Variants in RBM20 observed in about 807,000 individuals in gnomAD.
RBM20 encodes the protein RNA-binding protein 20.
Under a neutral mutation model 110.1 loss-of-function variants are expected in RBM20, and 51 were observed. The observed-to-expected ratio is 0.46, with a 90% CI of 0.37 to 0.59. RBM20 has a LOEUF of 0.59. Among genes scored for constraint, RBM20 ranks in the 20% least tolerant of loss-of-function variants. The pLI is 0.00. For missense variants in RBM20, 1,512 were observed against 1,574.9 expected (o/e 0.96, Z 0.68); for synonymous variants, 589 against 618.2 (o/e 0.95, Z 0.70).
intron 13 of RBM20, among the ~76,000 whole-genome samples, chr10:110,834,872 A>C (rs939209069): frequency 1.6e-4 from 24 of 152,302 alleles, no homozygotes; most frequent in African/African-American, 5.8e-4. Context: ...TTGACTCCAG[A>C]TAGCCCAAGA....
At chr10:110,708,605 A>G (rs1368701699) in intron 1 of RBM20, among the ~76,000 whole-genome samples, 2 of 152,208 alleles carry the variant, frequency 1.3e-5, no homozygotes, top group Non-Finnish European at 2.9e-5. Context: ...AATTATTAAT[A>G]AAGTATTAAT....
In RBM20 at chr10:110,793,750, G is replaced by A. The variant is rs141103923; in HGVS notation, c.1528-3758G>A. On this transcript the variant is annotated intron_variant, in intron 5 of 13. Coordinates refer to ENST00000369519, the MANE Select transcript of RBM20 (RefSeq NM_001134363.3). ...CACTACTTCAGGCTTTCACCTAGGT[G>A]ATGTGCTAAGTTAAAATGCAGTTCC... Among the ~76,000 whole-genome samples, 462 of 152,346 alleles carry A rather than the reference G, an allele frequency of 3.0e-3. 3 individuals carry two copies. The highest frequency in any genetic ancestry group is 0.011 in the African/African-American group (437 of 41,572).
intron 1 of RBM20, among the ~76,000 whole-genome samples, chr10:110,773,680 T>C (rs979439179): frequency 4.6e-5 from 7 of 152,204 alleles, no homozygotes; most frequent in Non-Finnish European, 8.8e-5. Context: ...TTTCCTGTGA[T>C]GACACTAGCA....
chr10:110,790,038 G>A lies in RBM20; in HGVS notation c.1527+5149G>A, dbSNP rs571633984. Among the ~76,000 whole-genome samples the A allele has an allele frequency of 3.6e-4, 55 of 152,298 alleles. 1 individual carries two copies. In the South Asian group the frequency reaches 0.011, roughly 29 times the overall value. On this transcript the variant is annotated intron_variant, in intron 5 of 13. Transcript: ENST00000369519. ...TCACAGATGGGCCACCCTGACCTGG[G>A]ATGATACACATCGTTTTTATTATTT... is the stretch of plus-strand genomic sequence containing the variant.
At chr10:110,793,570 A>G (rs1429242484) in intron 5 of RBM20, among the ~76,000 whole-genome samples, 1 of 152,242 alleles carries the variant, frequency 6.6e-6, no homozygotes, top group Non-Finnish European at 1.5e-5. Flanking sequence ...GGCAGCATTT[A>G]TGGGCAGAAA....
intron 1 of RBM20, 146 bp from the exon 2 acceptor site, chr10:110,780,655 A>G (rs1399182800): frequency 6.1e-6 from 5 of 824,032 alleles, no homozygotes; most frequent in Non-Finnish European, 8.9e-6. Context: ...ATGTGTGAGC[A>G]CAGGTTTTTG....
intron 1 of RBM20, among the ~76,000 whole-genome samples, chr10:110,734,813 A>C (rs1843654061): frequency 6.6e-6 from 1 of 152,168 alleles, no homozygotes; most frequent in African/African-American, 2.4e-5. Context: ...CTGAATCTGC[A>C]ACTTTACTTT....
At chr10:110,662,574 G>T (rs968629941) in intron 1 of RBM20, among the ~76,000 whole-genome samples, 1 of 152,230 alleles carries the variant, frequency 6.6e-6, no homozygotes, top group Non-Finnish European at 1.5e-5. Context: ...TAGGGAACAT[G>T]AAATGATACA....
chr10:110,834,822 C>T (rs1406130843), intron 13 of RBM20, among the ~76,000 whole-genome samples: 1 of 152,238 alleles, frequency 6.6e-6, no homozygotes, highest in African/African-American at 2.4e-5. Flanking sequence ...CAGAGAACCC[C>T]AGCTGGGGCC....
At position 110,781,648 on chromosome 10, in the gene RBM20, T is replaced by A; in HGVS notation, c.1039T>A (p.Tyr347Asn). 6.5e-7 allele frequency: 1 copy of A among 1,549,320 alleles called. No homozygotes were observed. Among genetic ancestry groups the A allele is most frequent in the Non-Finnish European group, 8.7e-7 (1 of 1,145,376 alleles). ...PMWPPPHNQP[Y>N]ELYDPEEPTS... ...GTGGCCTCCACCCCACAACCAGCCC[T>A]ATGAGCTGTACGACCCCGAGGAACC... is the stretch of plus-strand genomic sequence containing the variant. The change falls in exon 2 of 14, where the codon TAT becomes AAT. Residue 347 changes from tyrosine to asparagine, a missense_variant. By Grantham distance (143) the Tyr-to-Asn change is moderately radical. Transcript: ENST00000369519.
Position 110,661,167 on chromosome 10 carries a change from C to T in RBM20, c.191+16522C>T, listed in dbSNP as rs536868809. On this transcript the variant is annotated intron_variant, in intron 1 of 13. Coordinates refer to ENST00000369519, the MANE Select transcript of RBM20 (RefSeq NM_001134363.3). ...TGATTGTTATGTGGTGGCATTTGTT[C>T]CCTCTCTGAGCCCACCTAGGATATG... Among the ~76,000 whole-genome samples, 12 of 152,248 alleles carry T rather than the reference C, an allele frequency of 7.9e-5. No homozygotes were observed. In the South Asian group the frequency reaches 2.5e-3, roughly 32 times the overall value.
chr10:110,758,557 G>A (rs1243159138), intron 1 of RBM20, among the ~76,000 whole-genome samples: 1 of 152,068 alleles, frequency 6.6e-6, no homozygotes, highest in Non-Finnish European at 1.5e-5. Context: ...TCTTTGAGAA[G>A]ATGACAGTAG....
chr10:110,648,943 T>A (rs1358245345), intron 1 of RBM20, among the ~76,000 whole-genome samples: 1 of 152,210 alleles, frequency 6.6e-6, no homozygotes, highest in East Asian at 1.9e-4. Context: ...ACTATGCATA[T>A]GGTGCACACA....
chr10:110,823,452 TTTTTTTGC>T lies in RBM20; in HGVS notation c.3317-27_3317-20del. On this transcript the variant is annotated intron_variant, in intron 11 of 13. Coordinates refer to ENST00000369519, the MANE Select transcript of RBM20 (RefSeq NM_001134363.3). ...ATTTCTTTTTTTTTTTTTTTTTTTT[TTTTTTTGC>T]CTTGGTTCATGTTTTGCAGAAAACT... is the stretch of plus-strand genomic sequence containing the variant. 92 of 898,718 alleles carry T rather than the reference TTTTTTTGC, an allele frequency of 1.0e-4. No homozygotes were observed. The highest frequency in any genetic ancestry group is 8.1e-4 in the South Asian group (29 of 36,006). The allele number at this position is 898,718 out of a possible 1,614,324, so 55.7% of individuals were successfully genotyped here.
intron 1 of RBM20, among the ~76,000 whole-genome samples, chr10:110,705,448 T>C (rs1175305548): frequency 6.6e-6 from 1 of 152,266 alleles, no homozygotes; most frequent in African/African-American, 2.4e-5. Flanking sequence ...ATACCAAATC[T>C]GTTTTAACCA....
intron 8 of RBM20, 112 bp downstream of exon 8, chr10:110,810,574 C>A (rs995536850): frequency 7.4e-6 from 5 of 675,738 alleles, no homozygotes; most frequent in Middle Eastern, 8.0e-4. Context: ...TTGCCCCTAC[C>A]CCATCCATCT....
intron 13 of RBM20, among the ~76,000 whole-genome samples, chr10:110,834,535 A>T (rs1056947670): frequency 1.3e-5 from 2 of 152,202 alleles, no homozygotes; most frequent in Admixed American, 6.5e-5. Flanking sequence ...TGGTGCTGCT[A>T]ATAAGAAAAG....
At chr10:110,726,173 C>T (rs1205792589) in intron 1 of RBM20, among the ~76,000 whole-genome samples, 1 of 152,194 alleles carries the variant, frequency 6.6e-6, no homozygotes, top group Non-Finnish European at 1.5e-5. Context: ...CCTCCTGCTC[C>T]TGATGACTGG....
At chr10:110,743,402 G>A (rs985341663) in intron 1 of RBM20, among the ~76,000 whole-genome samples, 6 of 152,122 alleles carry the variant, frequency 3.9e-5, no homozygotes, top group African/African-American at 9.7e-5. Flanking sequence ...CAAGTTTAAC[G>A]TGATATATCT....
Sources: allele counts gnomAD v4.1 joint callset (sites outside exome capture counted in the v4.1 genomes callset), GRCh38; gene constraint gnomAD v4.1.1; transcripts MANE v1.5; gene names NCBI Gene and HGNC (gene_info 2026-07-23, HGNC 2026-07-21).